XPNPEP1: variants seen among roughly 807,000 people sequenced by gnomAD.
The protein encoded by XPNPEP1 is xaa-Pro aminopeptidase 1.
In XPNPEP1, 39 loss-of-function variants were observed where a neutral mutation model predicts 92.4. The ratio of observed to expected loss-of-function variants is 0.42; its 90% confidence interval spans 0.33 to 0.55. The LOEUF is 0.55. Ranked by LOEUF, XPNPEP1 falls within the 20% of genes least tolerant of loss-of-function variation. The pLI, the probability that XPNPEP1 is intolerant of heterozygous loss-of-function variation, is 0.08. For synonymous variants in XPNPEP1, 307 were observed against 299.4 expected (o/e 1.03, Z -0.26); for missense variants, 654 against 856.1 (o/e 0.76, Z 2.95).
rs1336330214 is a variant in XPNPEP1 at position 109,870,922 on chromosome 10, C to T, written c.1523-18G>A. 2.5e-6 allele frequency: 4 copies of T among 1,610,710 alleles called. No homozygotes were observed. Among genetic ancestry groups the T allele is most frequent in the Non-Finnish European group, 3.4e-6 (4 of 1,178,594 alleles). Reference sequence around the variant, plus strand: ...AAGGTGACCTGAAAGACATAAAGAGCCACTTAATTGTATTTGTACAGCGCT... The same window carrying T: ...AAGGTGACCTGAAAGACATAAAGAGTCACTTAATTGTATTTGTACAGCGCT... On this transcript the variant is annotated intron_variant, in intron 17 of 20. Transcript: ENST00000502935.
At chr10:109,869,889 G>C in intron 19 of XPNPEP1, 64 bp downstream of exon 19, 2 of 1,522,764 alleles carry the variant, frequency 1.3e-6, no homozygotes. Context: ...TGTAGCCAAT[G>C]AGGTCTATCC....
Position 109,888,501 on chromosome 10 carries a change from A to G in XPNPEP1, c.508+2T>C. On this transcript the variant is annotated splice_donor_variant, in intron 6 of 20. Coordinates refer to ENST00000502935, the MANE Select transcript of XPNPEP1 (RefSeq NM_020383.4). LOFTEE classifies it high-confidence loss of function. ...AAGCAGAAAGGGACCAAGCTCACTT[A>G]CCTGTAGGAATGATCAAGGGGTCCA... The G allele has an allele frequency of 6.2e-7, 1 of 1,607,330 alleles. No homozygotes were observed. The highest frequency in any genetic ancestry group is 1.1e-5 in the South Asian group (1 of 89,624).
intron 11 of XPNPEP1, 101 bp from the exon 12 acceptor site, chr10:109,880,339 G>A (rs1848021753): frequency 3.3e-6 from 4 of 1,199,826 alleles, no homozygotes; most frequent in Non-Finnish European, 4.9e-6. Flanking sequence ...TGTACCTGCA[G>A]GGCCACACAT....
intron 1 of XPNPEP1, among the ~76,000 whole-genome samples, chr10:109,919,959 G>C (rs1400948642): frequency 2.0e-5 from 3 of 152,176 alleles, no homozygotes; most frequent in Non-Finnish European, 4.4e-5. Context: ...TTGAACCCGG[G>C]AGGTGGAGGC....
intron 4 of XPNPEP1, 82 bp downstream of exon 4, chr10:109,892,930 T>C (rs1335350300): frequency 1.4e-5 from 20 of 1,418,116 alleles, no homozygotes; most frequent in African/African-American, 5.7e-5. Context: ...TTTGCTTCTA[T>C]ATCACAGGCT....
chr10:109,905,681 C>T (rs2032957868), intron 3 of XPNPEP1, among the ~76,000 whole-genome samples: 1 of 152,158 alleles, frequency 6.6e-6, no homozygotes, highest in Non-Finnish European at 1.5e-5. Flanking sequence ...CAGTATTGTA[C>T]ATTTTTAAAT....
At chr10:109,900,621 G>A (rs544364936) in intron 3 of XPNPEP1, among the ~76,000 whole-genome samples, 37 of 151,954 alleles carry the variant, frequency 2.4e-4, no homozygotes, top group African/African-American at 7.2e-4. Flanking sequence ...CCTCCTCTCC[G>A]CTCCTAACCC....
At chr10:109,918,272 T>A (rs1002313288) in intron 1 of XPNPEP1, among the ~76,000 whole-genome samples, 1 of 151,954 alleles carries the variant, frequency 6.6e-6, no homozygotes, top group African/African-American at 2.4e-5. Flanking sequence ...TTTACAAAAA[T>A]GAGCCAGGTT....
At chr10:109,914,798 A>AG (rs1485825942) in intron 2 of XPNPEP1, among the ~76,000 whole-genome samples, 1 of 45,830 alleles carries the variant, frequency 2.2e-5, no homozygotes, top group Non-Finnish European at 3.3e-5. Context: ...ACTCCGTCTC[A>AG]AAAAAAAAAA....
intron 13 of XPNPEP1, 27 bp downstream of exon 13, chr10:109,877,973 C>T: frequency 1.2e-6 from 2 of 1,614,236 alleles, no homozygotes; most frequent in African/African-American, 1.3e-5. Context: ...GCACGAGGCT[C>T]CTGGGTCCCC....
chr10:109,868,301 G>A (rs544615244), intron 20 of XPNPEP1, among the ~76,000 whole-genome samples: 1 of 151,880 alleles, frequency 6.6e-6, no homozygotes, highest in Non-Finnish European at 1.5e-5. Context: ...TGCTAAACAC[G>A]CCTCACTGCA....
chr10:109,918,489 C>T (rs1461921674), intron 1 of XPNPEP1, among the ~76,000 whole-genome samples: 3 of 151,976 alleles, frequency 2.0e-5, no homozygotes, highest in Admixed American at 6.6e-5. Flanking sequence ...GGGCCGGGCA[C>T]GGTGGCTCAC....
intron 3 of XPNPEP1, among the ~76,000 whole-genome samples, chr10:109,906,046 T>C (rs528827325): frequency 6.6e-6 from 1 of 152,302 alleles, no homozygotes; most frequent in Admixed American, 6.5e-5. Flanking sequence ...CCAGGACCTC[T>C]GGGGAGAGGC....
At chr10:109,902,672 A>T (rs1157203130) in intron 3 of XPNPEP1, among the ~76,000 whole-genome samples, 1 of 152,218 alleles carries the variant, frequency 6.6e-6, no homozygotes, top group Admixed American at 6.5e-5. Context: ...AGATGGAAGG[A>T]CAGCAAGAGT....
intron 3 of XPNPEP1, among the ~76,000 whole-genome samples, chr10:109,905,871 A>C (rs770889294): frequency 1.3e-4 from 20 of 152,224 alleles, no homozygotes; most frequent in Non-Finnish European, 2.8e-4. Flanking sequence ...AAAGTATCCT[A>C]AACTTCATAC....
intron 1 of XPNPEP1, among the ~76,000 whole-genome samples, chr10:109,921,441 T>C (rs1850535258): frequency 6.6e-6 from 1 of 152,140 alleles, no homozygotes; most frequent in South Asian, 2.1e-4. Flanking sequence ...TATAAGATGG[T>C]TATGGTAGCA....
intron 3 of XPNPEP1, among the ~76,000 whole-genome samples, chr10:109,896,433 C>CT (rs11419765): frequency 0.92 from 111,495 of 121,746 alleles, 51,389 homozygotes; most frequent in South Asian, 0.96. Context: ...AGGCACACAC[C>CT]TTTTTTTTTT....
chr10:109,881,569 G>A (rs781055937), intron 10 of XPNPEP1, among the ~76,000 whole-genome samples: 4 of 152,206 alleles, frequency 2.6e-5, no homozygotes, highest in Admixed American at 2.6e-4. Flanking sequence ...GAGAGAGAGA[G>A]AGGAGGAGTC....
chr10:109,870,614 G>T, intron 18 of XPNPEP1, 117 bp downstream of exon 18: 2 of 1,349,812 alleles, frequency 1.5e-6, no homozygotes, highest in Non-Finnish European at 1.0e-6. Flanking sequence ...AGAAAAGTTT[G>T]TTGGAAGGGA....
Sources: allele counts gnomAD v4.1 joint callset (sites outside exome capture counted in the v4.1 genomes callset), GRCh38; gene constraint gnomAD v4.1.1; transcripts MANE v1.5; gene names NCBI Gene and HGNC (gene_info 2026-07-23, HGNC 2026-07-21).